Variants in FAT3 observed in about 807,000 individuals in gnomAD.
The protein encoded by FAT3 is FAT atypical cadherin 3.
In FAT3, 95 loss-of-function variants were observed where a neutral mutation model predicts 310.2. The ratio of observed to expected loss-of-function variants is 0.31; its 90% CI spans 0.26 to 0.36. The LOEUF is 0.36. FAT3 is among the 10% of genes least tolerant of loss of function. FAT3 has a pLI of 1.00. For missense variants in FAT3, 5,408 were observed against 5,715.6 expected (o/e 0.95, Z 1.74); for synonymous variants, 2,314 against 2,192.9 (o/e 1.06, Z -1.54).
chr11:92,633,208 G>C (rs1373695805), intron 3 of FAT3, among the ~76,000 whole-genome samples: 2 of 152,114 alleles, frequency 1.3e-5, no homozygotes, highest in Non-Finnish European at 2.9e-5. Context: ...CTTCAACTGA[G>C]GAACTTTGAA....
intron 19 of FAT3, among the ~76,000 whole-genome samples, chr11:92,855,320 C>G (rs1338133291): frequency 6.6e-6 from 1 of 152,200 alleles, no homozygotes; most frequent in Non-Finnish European, 1.5e-5. Flanking sequence ...TTAAAATATT[C>G]CCTTCCTTTG....
chr11:92,239,046 A>G (rs951635750), intron 1 of FAT3, among the ~76,000 whole-genome samples: 12 of 152,136 alleles, frequency 7.9e-5, no homozygotes, highest in African/African-American at 2.9e-4. Context: ...CAACAACTCT[A>G]TGAGGCAAAT....
chr11:92,403,308 C>G (rs1032651215), intron 2 of FAT3: 1 of 152,192 alleles, frequency 6.6e-6, no homozygotes, highest in East Asian at 1.9e-4. Context: ...TTCCCACACT[C>G]AATGTCTTCT....
chr11:92,341,941 G>A (rs1948274932), intron 1 of FAT3, among the ~76,000 whole-genome samples: 1 of 152,068 alleles, frequency 6.6e-6, no homozygotes, highest in Admixed American at 6.5e-5. Flanking sequence ...AGAGAGCTGA[G>A]TGTGTATCAC....
At chr11:92,808,440 G>C (rs558782646) in intron 12 of FAT3, among the ~76,000 whole-genome samples, 3 of 152,344 alleles carry the variant, frequency 2.0e-5, no homozygotes, top group Admixed American at 2.0e-4. Flanking sequence ...TGAGCAGAGA[G>C]CATAGCGCAT....
At chr11:92,295,262 T>C (rs1946820227) in intron 1 of FAT3, among the ~76,000 whole-genome samples, 1 of 152,130 alleles carries the variant, frequency 6.6e-6, no homozygotes, top group African/African-American at 2.4e-5. Flanking sequence ...AAAATGTCGT[T>C]CAATTCAGCC....
intron 1 of FAT3, among the ~76,000 whole-genome samples, chr11:92,239,618 C>T (rs964187411): frequency 6.6e-6 from 1 of 152,032 alleles, no homozygotes; most frequent in Non-Finnish European, 1.5e-5. Flanking sequence ...TCATGTTACT[C>T]CTGGGAATGG....
chr11:92,352,957 A>G lies in FAT3; in HGVS notation c.845A>G (p.Tyr282Cys). ...TTCTCGTTGGAAAAAGAGCCAACATATGCAGTGGTGACAGTTGATGACTTA... is the reference window on the plus strand; with the variant it reads ...TTCTCGTTGGAAAAAGAGCCAACATGTGCAGTGGTGACAGTTGATGACTTA... ...VPFSLEKEPTYAVVTVDDLDD... is the reference protein window; with the variant it reads ...VPFSLEKEPTCAVVTVDDLDD... The change falls in exon 2 of 28, where the codon TAT (tyrosine) becomes TGT (cysteine). Residue 282 changes from tyrosine to cysteine, a missense_variant. Transcript: ENST00000525166. 6.2e-7 allele frequency: 1 copy of G among 1,613,890 alleles called. No homozygotes were observed. The highest frequency in any genetic ancestry group is 8.5e-7 in the Non-Finnish European group (1 of 1,179,856).
chr11:92,889,958 C>T, intron 27 of FAT3, 67 bp downstream of exon 27: 2 of 717,702 alleles, frequency 2.8e-6, no homozygotes, highest in East Asian at 2.7e-5. Context: ...TTCATTCTTA[C>T]CCTGTTCCTG....
chr11:92,869,257 G>A (rs999413732), intron 22 of FAT3, among the ~76,000 whole-genome samples: 13 of 152,228 alleles, frequency 8.5e-5, no homozygotes, highest in African/African-American at 3.1e-4. Context: ...AGGGAGCCCT[G>A]CAGGAGCATC....
intron 25 of FAT3, among the ~76,000 whole-genome samples, chr11:92,888,647 C>G (rs1239574605): frequency 1.3e-5 from 2 of 152,188 alleles, no homozygotes; most frequent in Non-Finnish European, 2.9e-5. Context: ...ATGCTGACTT[C>G]TGTCCACACT....
chr11:92,791,027 C>T (rs1371207013), intron 8 of FAT3, among the ~76,000 whole-genome samples: 1 of 152,142 alleles, frequency 6.6e-6, no homozygotes, highest in African/African-American at 2.4e-5. Context: ...AGTACAAATT[C>T]CTAAGCAGCT....
intron 3 of FAT3, among the ~76,000 whole-genome samples, chr11:92,667,763 G>A (rs1233618643): frequency 6.6e-6 from 1 of 152,190 alleles, no homozygotes; most frequent in Non-Finnish European, 1.5e-5. Context: ...AGGCATCCAC[G>A]GGGTTAACTG....
chr11:92,859,418 G>A (rs1949066851), intron 21 of FAT3, 96 bp downstream of exon 21: 1 of 1,279,818 alleles, frequency 7.8e-7, no homozygotes, highest in South Asian at 1.9e-5. Flanking sequence ...TGTCTTTTAA[G>A]TTCAGAAGAC....
rs552633631 is a variant in FAT3, at chr11:92,722,749, A to G, written c.3669+25304A>G. Among the ~76,000 whole-genome samples, 26 of 152,208 alleles carry G rather than the reference A, an allele frequency of 1.7e-4. No individual in the cohort carries two copies. The South Asian group carries it at 5.4e-3, about 32-fold the overall frequency. On this transcript the variant is annotated intron_variant, in intron 4 of 27. Coordinates refer to ENST00000525166, the MANE Select transcript of FAT3 (RefSeq NM_001367949.2). ...AAACCTCAATAATTTACTTCTGTGC[A>G]CTCACAGGCTCAATACCACATGGAA...
intron 2 of FAT3, among the ~76,000 whole-genome samples, chr11:92,460,897 A>C (rs1462356114): frequency 6.6e-6 from 1 of 152,180 alleles, no homozygotes; most frequent in Non-Finnish European, 1.5e-5. Context: ...AACCATCACC[A>C]CTGCACTACA....
chr11:92,573,839 A>AG (rs1451562337), intron 3 of FAT3, among the ~76,000 whole-genome samples: 2 of 152,120 alleles, frequency 1.3e-5, no homozygotes, highest in Non-Finnish European at 2.9e-5. Flanking sequence ...CAGAACTGTG[A>AG]GAAAAAAAAT....
At chr11:92,650,942 C>T (rs915183792) in intron 3 of FAT3, among the ~76,000 whole-genome samples, 10 of 152,124 alleles carry the variant, frequency 6.6e-5, no homozygotes, top group Non-Finnish European at 1.5e-4. Context: ...GCTAGGTATG[C>T]TAGGTACCTT....
rs118055891 is a variant in FAT3 at position 92,242,757 on chromosome 11, G to A, written c.-18+17583G>A. On this transcript the variant is annotated intron_variant, in intron 1 of 27. Coordinates refer to ENST00000525166, the MANE Select transcript of FAT3 (RefSeq NM_001367949.2). The stretch of plus-strand genomic sequence containing the variant: ...TATCTGAATCTTATGGTCACCCCTG[G>A]AAATAGGACTTATATTCAGTGCTGG... Among the ~76,000 whole-genome samples the A allele has an allele frequency of 3.9e-4, 59 of 152,084 alleles. 1 individual carries two copies. In the East Asian group the frequency reaches 9.3e-3, roughly 24 times the overall value.
Sources: allele counts gnomAD v4.1 joint callset (sites outside exome capture counted in the v4.1 genomes callset), GRCh38; gene constraint gnomAD v4.1.1; transcripts MANE v1.5; gene names NCBI Gene and HGNC (gene_info 2026-07-23, HGNC 2026-07-21).